Variants in ZPBP observed in about 807,000 individuals in gnomAD.
The protein encoded by ZPBP is zona pellucida-binding protein 1.
Under a neutral mutation model 44.8 loss-of-function variants are expected in ZPBP, and 26 were observed. That is an observed-to-expected ratio of 0.58 (90% CI 0.43 to 0.81). ZPBP has a LOEUF of 0.81. Ranked by LOEUF, ZPBP falls within the 30% of genes least tolerant of loss-of-function variation. ZPBP has a pLI of 0.00. For missense variants in ZPBP, 409 were observed against 434.0 expected (o/e 0.94, Z 0.51); for synonymous variants, 174 against 153.2 (o/e 1.14, Z -1.00).
chr7:50,059,600 T>C (rs1005065687), intron 3 of ZPBP, among the ~76,000 whole-genome samples: 2 of 152,190 alleles, frequency 1.3e-5, no homozygotes, highest in East Asian at 3.8e-4. Flanking sequence ...AAACACCTCG[T>C]AGAGATGTAA....
At chr7:49,853,875 C>T (rs1314177904) in intron 2 of ZPBP, among the ~76,000 whole-genome samples, 2 of 133,454 alleles carry the variant, frequency 1.5e-5, no homozygotes, top group African/African-American at 5.6e-5. Context: ...TCCCCCCACC[C>T]CACAACAGGC....
intron 6 of ZPBP, among the ~76,000 whole-genome samples, chr7:50,003,248 C>G (rs1169661352): frequency 6.6e-6 from 1 of 152,030 alleles, no homozygotes; most frequent in Non-Finnish European, 1.5e-5. Context: ...TGTCCTTTTT[C>G]CCCCATGGAA....
At chr7:49,842,332 C>T in the ZPBP span, among the ~76,000 whole-genome samples, 2 of 148,556 alleles carry the variant, frequency 1.3e-5, no homozygotes, top group Admixed American at 6.6e-5. Flanking sequence ...ACTATATTAT[C>T]TGTATACTTT....
chr7:50,050,338 C>T (rs1800625793), intron 4 of ZPBP, among the ~76,000 whole-genome samples: 1 of 152,120 alleles, frequency 6.6e-6, no homozygotes, highest in East Asian at 1.9e-4. Context: ...CTCCTTGGTG[C>T]TGAGGTTTTC....
At chr7:50,053,963 A>G (rs1800810960) in intron 4 of ZPBP, among the ~76,000 whole-genome samples, 1 of 152,182 alleles carries the variant, frequency 6.6e-6, no homozygotes, top group South Asian at 2.1e-4. Context: ...GATCCGGCTC[A>G]CTGCAGCTTC....
intron 7 of ZPBP, among the ~76,000 whole-genome samples, chr7:49,939,177 C>A (rs1379024938): frequency 6.6e-6 from 1 of 152,050 alleles, no homozygotes; most frequent in Non-Finnish European, 1.5e-5. Flanking sequence ...TATTGAAGAA[C>A]AAATATGGAA....
intron 7 of ZPBP, among the ~76,000 whole-genome samples, chr7:49,969,658 A>G (rs116603570): frequency 6.6e-6 from 1 of 152,010 alleles, no homozygotes; most frequent in Non-Finnish European, 1.5e-5. Context: ...GTTTCAGCCA[A>G]TCTCTCATAA....
chr7:50,013,162 A>C (rs1798665050), intron 6 of ZPBP, among the ~76,000 whole-genome samples: 1 of 151,982 alleles, frequency 6.6e-6, no homozygotes, highest in Admixed American at 6.6e-5. Flanking sequence ...AAATTATTAC[A>C]TAGAAGACTG....
intron 4 of ZPBP, among the ~76,000 whole-genome samples, chr7:50,040,679 C>T (rs1488391895): frequency 6.6e-6 from 1 of 152,192 alleles, no homozygotes; most frequent in Non-Finnish European, 1.5e-5. Context: ...GAGATTCCCT[C>T]AGGTACCTAC....
rs556869751 is a variant in ZPBP, at chr7:50,071,432, C to A, written c.334+10342G>T. Among the ~76,000 whole-genome samples the A allele has an allele frequency of 1.9e-3, 297 of 152,308 alleles. 1 individual carries two copies. Among genetic ancestry groups the A allele is most frequent in the Middle Eastern group, 3.4e-3 (1 of 294 alleles). ...TCTCCAAGTAAACTTGAAAGGCAATCTAGGCCATAGGGCTACAAAACATAG... is the reference window on the plus strand; with the variant it reads ...TCTCCAAGTAAACTTGAAAGGCAATATAGGCCATAGGGCTACAAAACATAG... On this transcript the variant is annotated intron_variant, in intron 3 of 7. Coordinates refer to ENST00000046087, the MANE Select transcript of ZPBP (RefSeq NM_007009.3).
intron 1 of ZPBP, among the ~76,000 whole-genome samples, chr7:49,904,268 C>A (rs1400306068): frequency 3.9e-5 from 6 of 152,140 alleles, no homozygotes; most frequent in African/African-American, 7.2e-5. Flanking sequence ...ACTCCCATAC[C>A]CTCACTATCT....
At chr7:49,871,633 G>A (rs1791149984) in intron 2 of ZPBP, among the ~76,000 whole-genome samples, 1 of 152,018 alleles carries the variant, frequency 6.6e-6, no homozygotes, top group Admixed American at 6.6e-5. Context: ...TATTCATTGT[G>A]ATATGAGAAT....
intron 7 of ZPBP, among the ~76,000 whole-genome samples, chr7:49,969,925 T>C (rs1796230153): frequency 6.6e-6 from 1 of 151,828 alleles, no homozygotes; most frequent in East Asian, 1.9e-4. Flanking sequence ...AGCGGCACAA[T>C]CTCAGCTTAC....
intron 6 of ZPBP, among the ~76,000 whole-genome samples, chr7:50,005,075 T>C (rs1182283855): frequency 1.3e-5 from 2 of 149,106 alleles, no homozygotes; most frequent in Non-Finnish European, 3.0e-5. Context: ...GTAAGATCAT[T>C]GACTGATTTC....
chr7:50,060,145 G>C (rs1181692005), intron 3 of ZPBP, among the ~76,000 whole-genome samples: 3 of 152,154 alleles, frequency 2.0e-5, no homozygotes, highest in Non-Finnish European at 4.4e-5. Flanking sequence ...TGGAACTCTG[G>C]AATCCTAGCT....
chr7:49,943,355 T>A, intron 7 of ZPBP: 2 of 337,422 alleles, frequency 5.9e-6, no homozygotes, highest in Non-Finnish European at 1.1e-5. Context: ...ACCTGAACAG[T>A]CAATGAAGCA....
At chr7:49,992,174 T>C (rs1797603528) in intron 6 of ZPBP, among the ~76,000 whole-genome samples, 1 of 152,098 alleles carries the variant, frequency 6.6e-6, no homozygotes, top group African/African-American at 2.4e-5. Context: ...AGTGGCTATC[T>C]ACTTACTGAT....
chr7:49,944,045 G>A, intron 7 of ZPBP: 2 of 253,496 alleles, frequency 7.9e-6, no homozygotes, highest in African/African-American at 2.3e-5. Context: ...TCAGGAACGT[G>A]CACCTTTGAG....
chr7:49,943,972 G>T, intron 7 of ZPBP: 1 of 305,716 alleles, frequency 3.3e-6, no homozygotes. Flanking sequence ...CATATCACTT[G>T]CAAATAAATT....
Sources: allele counts gnomAD v4.1 joint callset (sites outside exome capture counted in the v4.1 genomes callset), GRCh38; gene constraint gnomAD v4.1.1; transcripts MANE v1.5; gene names NCBI Gene and HGNC (gene_info 2026-07-23, HGNC 2026-07-21).